Variants in PCDH7 observed in about 807,000 individuals in gnomAD.
PCDH7 encodes protocadherin-7.
A neutral mutation model predicts 58.9 loss-of-function variants in PCDH7; 17 were observed. That is an observed-to-expected ratio of 0.29 (90% confidence interval 0.20 to 0.43). The LOEUF is 0.43. PCDH7 is among the 20% of genes least tolerant of loss of function. The probability of loss-of-function intolerance (pLI) is 1.00; values close to 1 mark genes in which losing one functional copy is unlikely to be tolerated. For missense variants in PCDH7, 1,274 were observed against 1,441.0 expected (o/e 0.88, Z 1.88); for synonymous variants, 664 against 616.4 (o/e 1.08, Z -1.14).
At chr4:30,856,004 G>A (rs1325645472) in intron 1 of PCDH7, among the ~76,000 whole-genome samples, 2 of 152,078 alleles carry the variant, frequency 1.3e-5, no homozygotes, top group Non-Finnish European at 2.9e-5. Flanking sequence ...GAAGTACCAA[G>A]TAAGAACTTA....
At chr4:31,047,969 A>C (rs1287232525) in intron 3 of PCDH7, among the ~76,000 whole-genome samples, 1 of 152,006 alleles carries the variant, frequency 6.6e-6, no homozygotes, top group African/African-American at 2.4e-5. Context: ...TTATTTATAC[A>C]TTTTTAACCA....
intron 1 of PCDH7, among the ~76,000 whole-genome samples, chr4:30,883,184 A>G (rs963240433): frequency 2.0e-5 from 3 of 152,222 alleles, no homozygotes; most frequent in African/African-American, 7.2e-5. Context: ...CCACGGAGGT[A>G]ATTCGAGAGA....
chr4:31,121,413 A>G (rs1717679591), intron 3 of PCDH7, among the ~76,000 whole-genome samples: 1 of 152,208 alleles, frequency 6.6e-6, no homozygotes, highest in Non-Finnish European at 1.5e-5. Flanking sequence ...TCATCTGTAA[A>G]TGTTTGCTTA....
In PCDH7 at chr4:30,929,272, A is replaced by C. The variant is rs547031152; in HGVS notation, c.287+8903A>C. Among the ~76,000 whole-genome samples, 9 of 152,274 alleles carry C rather than the reference A, an allele frequency of 5.9e-5. No homozygotes were observed. In the South Asian group the frequency reaches 1.9e-3, roughly 32 times the overall value. ...TGTGGCAGTTGCAAATTGTTTTTGT[A>C]ATTGTTATTTCAAGATTCAAGTTAA... On this transcript the variant is annotated intron_variant, in intron 2 of 3. Coordinates refer to the PCDH7 transcript ENST00000509759.
At chr4:30,825,779 G>A (rs1310853235) in intron 1 of PCDH7, among the ~76,000 whole-genome samples, 2 of 68,826 alleles carry the variant, frequency 2.9e-5, no homozygotes, top group African/African-American at 1.4e-4. Flanking sequence ...CTTTTGTATG[G>A]CTATTTTTTT....
chr4:31,106,025 T>C, intron 3 of PCDH7, among the ~76,000 whole-genome samples: 1 of 149,032 alleles, frequency 6.7e-6, no homozygotes, highest in South Asian at 2.1e-4. Context: ...AAAAAAAAAA[T>C]ATATATATAT....
At position 30,722,643 on chromosome 4, in the gene PCDH7, C is replaced by T. The variant is rs749588915; in HGVS notation, c.1221C>T (p.Asp407=). Residue 407 remains aspartate, a synonymous_variant, in exon 1 of 2, where the codon GAC becomes GAT. Transcript: ENST00000361762. The surrounding 1 kb of genome is among the most constrained non-coding windows in gnomAD (Gnocchi z 7.6). ...CCACCGTGGTCCTTAACATCAAAGA[C>T]GAGAACGACAACGTGCCGTCCATTG... 5 of 1,613,486 alleles carry T rather than the reference C, an allele frequency of 3.1e-6. 1 individual carries two copies. The Admixed American group carries it at 8.3e-5, about 27-fold the overall frequency.
rs370034723 is a variant in PCDH7, at chr4:31,097,638, A to ATATATATATAATC, written c.*8-44835_*8-44834insTATATATATAATC. On this transcript the variant is annotated intron_variant, in intron 3 of 3. Coordinates refer to the PCDH7 transcript ENST00000509759. ...TATATATATATATATATATATATAT[A>ATATATATATAATC]AATCTTTTTTCTGTAATTTCTGTAA... Among the ~76,000 whole-genome samples, 65 of 79,242 alleles carry ATATATATATAATC rather than the reference A, an allele frequency of 8.2e-4. 9 individuals carry two copies. The highest frequency in any genetic ancestry group is 1.3e-3 in the South Asian group (3 of 2,322). The allele number at this position is 79,242 out of a possible 152,430, so 52.0% of individuals were successfully genotyped here. A position where few individuals can be genotyped will look rare whatever the true frequency, so the allele number is the denominator to read the frequency against.
chr4:30,889,770 C>T (rs1300667485), intron 1 of PCDH7, among the ~76,000 whole-genome samples: 5 of 152,134 alleles, frequency 3.3e-5, no homozygotes, highest in Admixed American at 6.5e-5. Flanking sequence ...AACCCATCCT[C>T]GTGACCTAAT....
intron 3 of PCDH7, among the ~76,000 whole-genome samples, chr4:31,085,530 T>A (rs1035414508): frequency 1.3e-5 from 2 of 152,136 alleles, no homozygotes; most frequent in Non-Finnish European, 2.9e-5. Context: ...TTTAGCCTAC[T>A]CCCAGGAATG....
At chr4:30,848,178 T>A (rs985456125) in intron 1 of PCDH7, among the ~76,000 whole-genome samples, 1 of 152,126 alleles carries the variant, frequency 6.6e-6, no homozygotes, top group African/African-American at 2.4e-5. Flanking sequence ...CTGAAATAGT[T>A]TTAATGAAGA....
At chr4:30,892,570 T>A (rs1578192410) in intron 1 of PCDH7, among the ~76,000 whole-genome samples, 1 of 152,048 alleles carries the variant, frequency 6.6e-6, no homozygotes, top group Non-Finnish European at 1.5e-5. Flanking sequence ...AAGTGGAGCC[T>A]TTTTCATGCA....
At chr4:30,778,644 G>T (rs907737972) in intron 1 of PCDH7, among the ~76,000 whole-genome samples, 4 of 151,588 alleles carry the variant, frequency 2.6e-5, no homozygotes, top group African/African-American at 9.7e-5. Flanking sequence ...TTTTTGCATT[G>T]CTGTTTATTC....
chr4:30,946,356 A>C (rs1414085338), intron 2 of PCDH7, among the ~76,000 whole-genome samples: 1 of 152,102 alleles, frequency 6.6e-6, no homozygotes, highest in Non-Finnish European at 1.5e-5. Context: ...TTAATGTTTA[A>C]TATGTCTCTC....
intron 1 of PCDH7, among the ~76,000 whole-genome samples, chr4:30,911,913 T>C (rs538187521): frequency 1.3e-5 from 2 of 152,300 alleles, no homozygotes; most frequent in Non-Finnish European, 2.9e-5. Flanking sequence ...ATCATTGTTT[T>C]GTTGCAATAA....
chr4:30,930,221 T>C (rs1286690867), intron 2 of PCDH7, among the ~76,000 whole-genome samples: 1 of 152,120 alleles, frequency 6.6e-6, no homozygotes, highest in Non-Finnish European at 1.5e-5. Context: ...AAGTAGGGAT[T>C]TGCTAAGCAG....
chr4:30,724,914 G>A, intron 1 of PCDH7: 1 of 1,113,706 alleles, frequency 9.0e-7, no homozygotes, highest in Non-Finnish European at 1.1e-6. Context: ...AAATATGTGT[G>A]TATTACTTAG....
intron 2 of PCDH7, among the ~76,000 whole-genome samples, chr4:30,927,681 C>CA (rs1170284129): frequency 6.6e-6 from 1 of 151,998 alleles, no homozygotes; most frequent in Non-Finnish European, 1.5e-5. Context: ...GAGTCATCAC[C>CA]ACTCTCTAAT....
chr4:30,728,513 C>A (rs1202607290), intron 1 of PCDH7, among the ~76,000 whole-genome samples: 1 of 151,640 alleles, frequency 6.6e-6, no homozygotes, highest in Non-Finnish European at 1.5e-5. Context: ...ATAGGCAAAA[C>A]ACTAATAGCT....
Sources: gnomAD v4.1 joint callset for allele counts (sites outside exome capture counted in the v4.1 genomes callset) on GRCh38, gnomAD v4.1.1 for gene constraint, Gnocchi (gnomAD v3.1) non-coding constraint, MANE v1.5 for transcripts, NCBI Gene and HGNC (gene_info 2026-07-23, HGNC 2026-07-21) for gene names.